GGT1: variants seen among roughly 807,000 people sequenced by gnomAD.
The protein encoded by GGT1 is glutathione hydrolase 1 proenzyme.
GGT1 carries 21 observed loss-of-function variants against 56.0 expected under a neutral mutation model. The ratio of observed to expected loss-of-function variants is 0.38; its 90% confidence interval spans 0.27 to 0.54. GGT1 has a LOEUF of 0.54. GGT1 is among the 20% of genes least tolerant of loss of function. The pLI, the probability that GGT1 is intolerant of heterozygous loss-of-function variation, is 0.82. For synonymous variants in GGT1, 238 were observed against 342.6 expected (o/e 0.69, Z 3.37); for missense variants, 466 against 787.0 (o/e 0.59, Z 4.88).
At position 24,610,294 on chromosome 22, in the gene GGT1, A is replaced by G. The variant is rs1601679309; in HGVS notation, c.-245A>G. 3.3e-6 allele frequency: 1 copy of G among 303,954 alleles called. No homozygotes were observed. Among genetic ancestry groups the G allele is most frequent in the East Asian group, 9.4e-5 (1 of 10,630 alleles). 18.8% of individuals were successfully genotyped at this position (303,954 alleles called of 1,614,324 possible). On this transcript the variant is annotated 5_prime_UTR_variant, in exon 4 of 16. Coordinates refer to ENST00000400382, the MANE Select transcript of GGT1 (RefSeq NM_001288833.2). ...AAACCAGCTAGAGGCAGAGGGAGGT[A>G]ACACGGAGTCCCCCAGAAAGGTCTG...
upstream of GGT1, chr22:24,592,988 C>T (rs985185088): frequency 1.5e-5 from 17 of 1,156,654 alleles, no homozygotes; most frequent in African/African-American, 1.6e-4. Flanking sequence ...GCCGCCGCCC[C>T]GGCCTCAGAG....
the GGT1 span, chr22:24,585,972 C>T: frequency 3.2e-5 from 51 of 1,610,010 alleles, no homozygotes; most frequent in Non-Finnish European, 4.2e-5. Flanking sequence ...GCCCCGGCCG[C>T]ACTGCCCTCA....
intron 1 of GGT1, among the ~76,000 whole-genome samples, chr22:24,607,002 C>G (rs963488334): frequency 2.0e-5 from 3 of 150,830 alleles, no homozygotes; most frequent in African/African-American, 7.3e-5. Context: ...GTCCCCTGGG[C>G]TGGGTCCGCA....
the GGT1 span, chr22:24,589,644 T>A: frequency 1.4e-6 from 1 of 727,564 alleles, no homozygotes; most frequent in Non-Finnish European, 2.1e-6. Context: ...TTGCTCTAGC[T>A]GGTGGCCAGC....
chr22:24,609,826 G>A (rs552820947), intron 2 of GGT1, 139 bp from the exon 3 acceptor site: 27 of 373,048 alleles, frequency 7.2e-5, no homozygotes, highest in Non-Finnish European at 1.0e-4. Context: ...AGTCCACAGG[G>A]GACATACAGT....
chr22:24,589,876 G>A (rs2045517073), upstream of GGT1: 2 of 1,613,810 alleles, frequency 1.2e-6, no homozygotes, highest in Admixed American at 1.7e-5. Context: ...ATGGGAGATG[G>A]GGTCGACCGG....
rs565117840 is a variant in GGT1 at position 24,620,945 on chromosome 22, G to A, written c.608G>A (p.Arg203Gln). 3.3e-5 allele frequency: 54 copies of A among 1,611,948 alleles called. No homozygotes were observed. The Middle Eastern group carries it at 6.8e-4, about 20-fold the overall frequency. ...TTCTGCCGGGATAGAAAGGTGCTTC[G>A]GGAGGGGGAGAGACTGACCCTGCCG... Reference protein sequence around the residue: ...EVFCRDRKVLREGERLTLPQL... With the variant: ...EVFCRDRKVLQEGERLTLPQL... The change falls in exon 9 of 16, where the codon CGG (arginine) becomes CAG (glutamine). Residue 203 changes from arginine to glutamine, a missense_variant. Physicochemically the swap from Arg to Gln is conservative, Grantham distance 43 (BLOSUM62 1). Coordinates refer to ENST00000400382, the MANE Select transcript of GGT1 (RefSeq NM_001288833.2). The surrounding 1 kb of genome is among the most constrained non-coding windows in gnomAD (Gnocchi z 5.6).
At chr22:24,624,739 C>T (rs4049836) in intron 11 of GGT1, 1 of 921,314 alleles carries the variant, frequency 1.1e-6, no homozygotes, top group Admixed American at 6.2e-5. Context: ...TTTATCACGG[C>T]TTATTCCCGA....
chr22:24,601,897 G>A (rs1329558950), upstream of GGT1, among the ~76,000 whole-genome samples: 14 of 152,190 alleles, frequency 9.2e-5, no homozygotes, highest in Admixed American at 6.5e-4. Flanking sequence ...ACCCCAATCA[G>A]CACTCCCTTC....
At chr22:24,590,088 G>T (rs2045523760), upstream of GGT1, 3 of 1,024,140 alleles carry the variant, frequency 2.9e-6, no homozygotes, top group South Asian at 3.7e-5. Flanking sequence ...CTCCCCACAG[G>T]CGGCCATGGG....
At chr22:24,598,808 C>T (rs1441019700), upstream of GGT1, among the ~76,000 whole-genome samples, 1 of 152,220 alleles carries the variant, frequency 6.6e-6, no homozygotes, top group African/African-American at 2.4e-5. Flanking sequence ...CCACCTCGCC[C>T]TCCCAAAGCG....
chr22:24,602,176 G>T (rs1305289454), upstream of GGT1, among the ~76,000 whole-genome samples: 1 of 152,146 alleles, frequency 6.6e-6, no homozygotes, highest in Non-Finnish European at 1.5e-5. Flanking sequence ...CCTGGAAAAG[G>T]CTCCATTTCC....
chr22:24,627,951 C>A lies in GGT1; in HGVS notation c.1308C>A (p.Pro436=), dbSNP rs1446092682. ...SPSITNEFGV[P]PSPANFIQPG... ...GCATCACCAACGAGTTTGGGGTACC[C>A]CCCTCACCTGCCAATTTCATCCAGC... Residue 436 remains proline (P), a synonymous_variant, in exon 13 of 16, where the codon CCC becomes CCA. Coordinates refer to ENST00000400382, the MANE Select transcript of GGT1 (RefSeq NM_001288833.2). 3.7e-6 allele frequency: 6 copies of A among 1,613,756 alleles called. No individual in the cohort carries two copies. Among genetic ancestry groups the A allele is most frequent in the Admixed American group, 1.7e-5 (1 of 59,986 alleles).
At chr22:24,602,784 C>G (rs2045805725), upstream of GGT1, among the ~76,000 whole-genome samples, 1 of 152,186 alleles carries the variant, frequency 6.6e-6, no homozygotes, top group African/African-American at 2.4e-5. Flanking sequence ...GCATCCCCTG[C>G]CCTGGGGTTG....
At chr22:24,588,836 G>A in the GGT1 span, 215 of 1,012,358 alleles carry the variant, frequency 2.1e-4, 2 homozygotes, top group African/African-American at 3.1e-3. Context: ...TGACAGGGCT[G>A]GGGGATGTAA....
At chr22:24,622,828 A>G (rs2047515369) in intron 9 of GGT1, among the ~76,000 whole-genome samples, 1 of 152,122 alleles carries the variant, frequency 6.6e-6, no homozygotes, top group Non-Finnish European at 1.5e-5. Context: ...GGCAAAGGGC[A>G]GGTGGCCCCA....
chr22:24,595,654 C>T (rs1029854578), intron 1 of GGT1, among the ~76,000 whole-genome samples: 2 of 152,172 alleles, frequency 1.3e-5, no homozygotes, highest in African/African-American at 2.4e-5. Context: ...CTGATGGGAA[C>T]GTACTAGGCT....
chr22:24,592,908 C>G (rs530009323), upstream of GGT1: 2 of 1,279,950 alleles, frequency 1.6e-6, no homozygotes, highest in African/African-American at 1.6e-5. Context: ...CCGGCCGCCG[C>G]TCGCGGAGCG....
chr22:24,583,902 T>C, the GGT1 span: 1 of 403,318 alleles, frequency 2.5e-6, no homozygotes, highest in Non-Finnish European at 5.1e-6. Context: ...CTGGAGAGCT[T>C]GGCATTTCTC....
Sources: allele counts gnomAD v4.1 joint callset (sites outside exome capture counted in the v4.1 genomes callset), GRCh38; gene constraint gnomAD v4.1.1; non-coding constraint Gnocchi (gnomAD v3.1); transcripts MANE v1.5; gene names NCBI Gene and HGNC (gene_info 2026-07-23, HGNC 2026-07-21).